Variants in DSE observed in about 807,000 individuals in gnomAD.
DSE encodes dermatan sulfate epimerase, also known as dermatan-sulfate epimerase.
A neutral mutation model predicts 84.4 loss-of-function variants in DSE; 36 were observed. That is an observed-to-expected ratio of 0.43 (90% confidence interval 0.33 to 0.56). DSE has a LOEUF of 0.56. Ranked by LOEUF, DSE falls within the 20% of genes least tolerant of loss-of-function variation. The probability of loss-of-function intolerance (pLI) is 0.06; values close to 1 mark genes in which losing one functional copy is unlikely to be tolerated. For synonymous variants in DSE, 410 were observed against 430.1 expected, an observed-to-expected ratio of 0.95 and a Z score of 0.58; for missense variants, 862 against 1,169.6, an observed-to-expected ratio of 0.74 and a Z score of 3.84.
intron 2 of DSE, among the ~76,000 whole-genome samples, chr6:116,411,654 A>G (rs1169972927): frequency 6.6e-6 from 1 of 152,246 alleles, no homozygotes; most frequent in Non-Finnish European, 1.5e-5. Flanking sequence ...ATCTGTATGT[A>G]TTGCTAATAT....
intron 2 of DSE, among the ~76,000 whole-genome samples, chr6:116,271,482 C>G (rs982889101): frequency 1.3e-5 from 2 of 152,130 alleles, no homozygotes. Flanking sequence ...AAAGGAAGCT[C>G]AGAGAGATTC....
At chr6:116,411,220 T>G (rs570683689) in intron 2 of DSE, among the ~76,000 whole-genome samples, 13 of 152,218 alleles carry the variant, frequency 8.5e-5, no homozygotes, top group African/African-American at 3.1e-4. Context: ...CAATATGAAA[T>G]ATGCTTTCAG....
At chr6:116,408,409 T>C (rs1323621353) in intron 2 of DSE, among the ~76,000 whole-genome samples, 14 of 152,198 alleles carry the variant, frequency 9.2e-5, no homozygotes. Flanking sequence ...CCACATATGG[T>C]ATACCTGCCA....
intron 2 of DSE, among the ~76,000 whole-genome samples, chr6:116,284,025 G>T (rs982893496): frequency 6.6e-6 from 1 of 152,184 alleles, no homozygotes; most frequent in African/African-American, 2.4e-5. Flanking sequence ...GTCCATGACA[G>T]AGCATTTCTG....
intron 2 of DSE, among the ~76,000 whole-genome samples, chr6:116,344,562 T>TA (rs2114830720): frequency 1.6e-5 from 1 of 61,524 alleles, no homozygotes; most frequent in East Asian, 0.016. Flanking sequence ...AGAAATAAAA[T>TA]CCTTTCAGAC....
intron 1 of DSE, among the ~76,000 whole-genome samples, chr6:116,396,197 G>A (rs1323032547): frequency 6.6e-6 from 1 of 152,218 alleles, no homozygotes; most frequent in East Asian, 1.9e-4. Context: ...GCCAGATTCA[G>A]TGCTAAGCTC....
chr6:116,258,216 A>G (rs907599263), intron 1 of DSE, among the ~76,000 whole-genome samples: 1 of 151,540 alleles, frequency 6.6e-6, no homozygotes, highest in Non-Finnish European at 1.5e-5. Flanking sequence ...GGGTTTCACC[A>G]TATTGGCCAG....
At chr6:116,341,054 G>C (rs189566179) in intron 2 of DSE, among the ~76,000 whole-genome samples, 89 of 152,280 alleles carry the variant, frequency 5.8e-4, no homozygotes, top group African/African-American at 1.9e-3. Flanking sequence ...GATCCTTGAG[G>C]AATCACCACA....
At chr6:116,303,389 C>G (rs950149644) in intron 2 of DSE, among the ~76,000 whole-genome samples, 3 of 152,166 alleles carry the variant, frequency 2.0e-5, no homozygotes, top group Non-Finnish European at 2.9e-5. Flanking sequence ...ATTTAATACC[C>G]TTTCCCCTGG....
At chr6:116,285,388 T>TA (rs1296746360) in intron 2 of DSE, among the ~76,000 whole-genome samples, 2 of 152,198 alleles carry the variant, frequency 1.3e-5, no homozygotes, top group African/African-American at 4.8e-5. Flanking sequence ...TCTTGTAAAT[T>TA]TGTTTAAGTT....
rs565072839 is a variant in DSE, at chr6:116,340,847, C to T, written c.-53-58351C>T. ...CCTTTTTTATGGCTGCATAGTATTC[C>T]GTGGTGTATATGTGCCATATTTTCT... is the stretch of plus-strand genomic sequence containing the variant. On this transcript the variant is annotated intron_variant, in intron 2 of 3. Transcript: ENST00000430252. Among the ~76,000 whole-genome samples, 99 of 152,204 alleles carry T rather than the reference C, an allele frequency of 6.5e-4. 1 individual carries two copies. Among genetic ancestry groups the T allele is most frequent in the Non-Finnish European group, 1.2e-4 (8 of 68,014 alleles).
chr6:116,386,456 C>T (rs1780583141), intron 1 of DSE, among the ~76,000 whole-genome samples: 1 of 152,240 alleles, frequency 6.6e-6, no homozygotes, highest in African/African-American at 2.4e-5. Context: ...AGGGCAAAGG[C>T]ACATGGGGCA....
intron 2 of DSE, among the ~76,000 whole-genome samples, chr6:116,260,023 CCAAA>C (rs1772344637): frequency 6.6e-6 from 1 of 152,110 alleles, no homozygotes; most frequent in Non-Finnish European, 1.5e-5. Flanking sequence ...GATTGCTTGG[CCAAA>C]CAATCTGTCT....
At chr6:116,280,258 A>C (rs967591850) in intron 2 of DSE, 3 of 279,966 alleles carry the variant, frequency 1.1e-5, no homozygotes, top group African/African-American at 6.6e-5. Context: ...TTGAGGCAGG[A>C]AGGTAAATCT....
At chr6:116,267,442 TGAAA>T (rs1483156668) in intron 2 of DSE, among the ~76,000 whole-genome samples, 16 of 148,842 alleles carry the variant, frequency 1.1e-4, no homozygotes, top group Middle Eastern at 3.4e-3. Flanking sequence ...TTTAAAAAGT[TGAAA>T]AAAAAGAAAA....
chr6:116,315,945 G>A lies in DSE; in HGVS notation c.-54+56978G>A, dbSNP rs1157396969. ...GCAGAGGTTGCAGTCAGCAAAGATCGCACCACTGCACTCCAGCCTGGGTGA... is the reference window on the plus strand; with the variant it reads ...GCAGAGGTTGCAGTCAGCAAAGATCACACCACTGCACTCCAGCCTGGGTGA... On this transcript the variant is annotated intron_variant, in intron 2 of 3. Transcript: ENST00000430252. Among the ~76,000 whole-genome samples the A allele has an allele frequency of 2.0e-5, 3 of 152,100 alleles. No individual in the cohort carries two copies. In the East Asian group the frequency reaches 5.8e-4, roughly 29 times the overall value.
At chr6:116,286,361 CTCTT>C (rs1219681402) in intron 2 of DSE, among the ~76,000 whole-genome samples, 1 of 152,042 alleles carries the variant, frequency 6.6e-6, no homozygotes, top group Admixed American at 6.6e-5. Flanking sequence ...ATTTTCTTCT[CTCTT>C]CCCTCTTTCC....
At chr6:116,327,986 G>A in intron 2 of DSE, among the ~76,000 whole-genome samples, 1 of 152,206 alleles carries the variant, frequency 6.6e-6, no homozygotes, top group East Asian at 1.9e-4. Flanking sequence ...AGCACAGCAA[G>A]TCATCGGAGT....
chr6:116,408,958 G>A (rs768890053), intron 2 of DSE, among the ~76,000 whole-genome samples: 2 of 152,180 alleles, frequency 1.3e-5, no homozygotes, highest in Non-Finnish European at 2.9e-5. Flanking sequence ...TAGTTTGTTG[G>A]AATTAAGAGC....
Sources: allele counts gnomAD v4.1 joint callset (sites outside exome capture counted in the v4.1 genomes callset), GRCh38; gene constraint gnomAD v4.1.1; transcripts MANE v1.5; gene names NCBI Gene and HGNC (gene_info 2026-07-23, HGNC 2026-07-21).